Variants in ITPR1 observed in about 807,000 individuals in gnomAD.
ITPR1 encodes the protein inositol 1,4,5-trisphosphate receptor type 1.
ITPR1 carries 96 observed loss-of-function variants against 318.4 expected under a neutral mutation model. That is an observed-to-expected ratio of 0.30 (90% CI 0.26 to 0.36). The LOEUF is 0.36. Among genes scored for constraint, ITPR1 ranks in the 10% least tolerant of loss-of-function variants. The pLI is 1.00. For synonymous variants in ITPR1, 1,312 were observed against 1,289.9 expected, an observed-to-expected ratio of 1.02 and a Z score of -0.37; for missense variants, 2,440 against 3,460.2, an observed-to-expected ratio of 0.71 and a Z score of 7.40.
chr3:4,703,800 C>T (rs762214259), intron 36 of ITPR1, among the ~76,000 whole-genome samples: 21 of 152,280 alleles, frequency 1.4e-4, no homozygotes, highest in East Asian at 1.9e-4. Context: ...CCTTTACTCT[C>T]CTATGGTAGG....
chr3:4,537,701 A>G (rs2084008724), intron 4 of ITPR1, among the ~76,000 whole-genome samples: 1 of 151,310 alleles, frequency 6.6e-6, no homozygotes, highest in African/African-American at 2.5e-5. Context: ...CAAGGAATGC[A>G]GGAAGCTGCA....
intron 30 of ITPR1, among the ~76,000 whole-genome samples, chr3:4,686,082 C>T (rs913352594): frequency 1.3e-5 from 2 of 152,150 alleles, no homozygotes; most frequent in African/African-American, 2.4e-5. Flanking sequence ...CCTCAAGACA[C>T]GTGGATGAGA....
In ITPR1 at chr3:4,674,208, T is replaced by C. The variant is rs1189041021; in HGVS notation, c.2463T>C (p.Asp821=). ...IPSEIAIDDY[D]SSGASKDEIK... Reference sequence around the variant, plus strand: ...CTTTCTCCTTTCTTTTCAGCTATGATAGTAGTGGAGCTTCCAAAGATGAAA... The same window carrying C: ...CTTTCTCCTTTCTTTTCAGCTATGACAGTAGTGGAGCTTCCAAAGATGAAA... Residue 821 remains aspartate, a synonymous_variant, in exon 22 of 62, where the codon GAT becomes GAC. Transcript: ENST00000649015. 12 of 1,547,932 alleles carry C rather than the reference T, an allele frequency of 7.8e-6. No homozygotes were observed. Among genetic ancestry groups the C allele is most frequent in the Admixed American group, 2.0e-5 (1 of 49,440 alleles).
At chr3:4,575,613 A>G (rs944465118) in intron 4 of ITPR1, among the ~76,000 whole-genome samples, 3 of 152,078 alleles carry the variant, frequency 2.0e-5, no homozygotes, top group African/African-American at 7.2e-5. Flanking sequence ...AATATTTAAT[A>G]TTATTAAGAG....
intron 59 of ITPR1, among the ~76,000 whole-genome samples, chr3:4,815,634 C>T (rs1052892939): frequency 1.2e-4 from 18 of 151,898 alleles, no homozygotes; most frequent in Non-Finnish European, 1.0e-4. Flanking sequence ...TGAACGGCTA[C>T]GTAAAAGAGG....
chr3:4,503,305 G>A (rs1296972234), intron 2 of ITPR1, among the ~76,000 whole-genome samples: 1 of 152,144 alleles, frequency 6.6e-6, no homozygotes, highest in African/African-American at 2.4e-5. Context: ...GCCCTGGTGA[G>A]CCACAGGATG....
At chr3:4,680,806 C>T (rs1415259866) in intron 25 of ITPR1, 115 bp downstream of exon 25, 3 of 874,074 alleles carry the variant, frequency 3.4e-6, no homozygotes, top group Non-Finnish European at 5.2e-6. Flanking sequence ...AGGATTATTG[C>T]ACCAGGGCAT....
At chr3:4,761,284 C>T (rs1489307597) in intron 44 of ITPR1, among the ~76,000 whole-genome samples, 1 of 152,192 alleles carries the variant, frequency 6.6e-6, no homozygotes, top group Non-Finnish European at 1.5e-5. Flanking sequence ...CAGGCACTCC[C>T]CACTGTCTGT....
intron 49 of ITPR1, among the ~76,000 whole-genome samples, chr3:4,781,582 C>T (rs748200737): frequency 7.2e-5 from 11 of 152,160 alleles, no homozygotes; most frequent in Non-Finnish European, 8.8e-5. Flanking sequence ...GGAGCCGAGT[C>T]GTGCGGCTGT....
chr3:4,535,344 GA>G (rs1419303423), intron 4 of ITPR1, among the ~76,000 whole-genome samples: 1 of 151,726 alleles, frequency 6.6e-6, no homozygotes, highest in Non-Finnish European at 1.5e-5. Flanking sequence ...GGCAAGATGT[GA>G]AAATGATGTT....
intron 4 of ITPR1, among the ~76,000 whole-genome samples, chr3:4,587,493 A>G (rs2090026424): frequency 6.6e-6 from 1 of 151,922 alleles, no homozygotes; most frequent in Non-Finnish European, 1.5e-5. Context: ...ATGGTCTCAA[A>G]CTCCTGAGCA....
chr3:4,672,991 AT>A, intron 20 of ITPR1, 144 bp from the exon 21 acceptor site: 1 of 796,614 alleles, frequency 1.3e-6, no homozygotes. Context: ...AAATCCTGGT[AT>A]ACAAGAGCAA....
chr3:4,811,517 C>G (rs1299126236), intron 56 of ITPR1, 57 bp downstream of exon 56: 5 of 1,421,046 alleles, frequency 3.5e-6, no homozygotes, highest in Non-Finnish European at 4.9e-6. Flanking sequence ...CTGATTATAA[C>G]TGAACTAAAG....
rs1287449768 is a variant in ITPR1, at chr3:4,670,685, A to G, written c.2007-44A>G. ...TGAAAGTAAAGCTAGATCTCAAAGT[A>G]TTTTTAAAAATAGTAACTTTTCCCT... On this transcript the variant is annotated intron_variant, in intron 19 of 61. Coordinates refer to ENST00000649015, the MANE Select transcript of ITPR1 (RefSeq NM_001378452.1). The G allele has an allele frequency of 3.7e-6, 5 of 1,361,244 alleles. No homozygotes were observed. The Admixed American group carries it at 5.9e-5, about 16-fold the overall frequency. 84.3% of individuals were successfully genotyped at this position (1,361,244 alleles called of 1,614,324 possible).
At chr3:4,735,434 T>G (rs2043202164) in intron 44 of ITPR1, 80 bp downstream of exon 44, 1 of 1,238,070 alleles carries the variant, frequency 8.1e-7, no homozygotes, top group Admixed American at 1.7e-5. Context: ...GATGTCTGGG[T>G]GGTACCAAGC....
Position 4,710,231 on chromosome 3 carries a change from G to A in ITPR1, c.4843-94G>A, listed in dbSNP as rs911104811. On this transcript the variant is annotated intron_variant, in intron 37 of 61. Transcript: ENST00000649015. This position sits in a 1 kb window ranked among gnomAD's most constrained non-coding sequence, Gnocchi z 4.2. Reference sequence around the variant, plus strand: ...AAAGTTACTCTAACCTAGCCTACCCGTGCATCAGTGTTTTAGGGCAGAAAT... The same window carrying A: ...AAAGTTACTCTAACCTAGCCTACCCATGCATCAGTGTTTTAGGGCAGAAAT... 1.7e-5 allele frequency: 21 copies of A among 1,211,394 alleles called. No individual in the cohort carries two copies. Among genetic ancestry groups the A allele is most frequent in the South Asian group, 6.3e-5 (3 of 47,576 alleles). 75.0% of individuals were successfully genotyped at this position (1,211,394 alleles called of 1,614,324 possible).
intron 4 of ITPR1, among the ~76,000 whole-genome samples, chr3:4,533,380 T>C (rs149994325): frequency 1.3e-5 from 2 of 152,352 alleles, no homozygotes; most frequent in Non-Finnish European, 2.9e-5. Flanking sequence ...TTACTAGTTA[T>C]ATGACCACAG....
At chr3:4,577,499 T>C (rs1360632076) in intron 4 of ITPR1, among the ~76,000 whole-genome samples, 1 of 152,128 alleles carries the variant, frequency 6.6e-6, no homozygotes, top group Non-Finnish European at 1.5e-5. Context: ...CAGAAGTCTT[T>C]TGGGTCACTG....
chr3:4,602,036 T>C (rs929294628), intron 4 of ITPR1, among the ~76,000 whole-genome samples: 35 of 152,126 alleles, frequency 2.3e-4, no homozygotes, highest in African/African-American at 8.4e-4. Flanking sequence ...AGATGTACAA[T>C]AATAAGCAGT....
Sources: gnomAD v4.1 joint callset for allele counts (sites outside exome capture counted in the v4.1 genomes callset) on GRCh38, gnomAD v4.1.1 for gene constraint, Gnocchi (gnomAD v3.1) non-coding constraint, MANE v1.5 for transcripts, NCBI Gene and HGNC (gene_info 2026-07-23, HGNC 2026-07-21) for gene names.